The following GALNTL6 variants were observed in gnomAD, a reference collection of about 807,000 sequenced individuals.
The protein encoded by GALNTL6 is polypeptide N-acetylgalactosaminyltransferase like 6.
In GALNTL6, 46 loss-of-function variants were observed where a neutral mutation model predicts 73.7. The ratio of observed to expected loss-of-function variants is 0.62; its 90% CI spans 0.49 to 0.80. GALNTL6 has a LOEUF of 0.80. Ranked by LOEUF, GALNTL6 falls within the 30% of genes least tolerant of loss-of-function variation. The pLI is 0.00. For missense variants in GALNTL6, 604 were observed against 755.0 expected, an observed-to-expected ratio of 0.80 and a Z score of 2.34; for synonymous variants, 259 against 263.7, an observed-to-expected ratio of 0.98 and a Z score of 0.17.
At chr4:172,874,424 T>G (rs1352774752) in intron 7 of GALNTL6, among the ~76,000 whole-genome samples, 1 of 152,184 alleles carries the variant, frequency 6.6e-6, no homozygotes, top group Non-Finnish European at 1.5e-5. Context: ...GGACCCCTCC[T>G]TGCCAAATTG....
At position 172,363,194 on chromosome 4, in the gene GALNTL6, A is replaced by G. The variant is rs563530222; in HGVS notation, c.553+14505A>G. On this transcript the variant is annotated intron_variant, in intron 5 of 12. Transcript: ENST00000506823. ...ATTTTGCTTCACATGGCATATATTT[A>G]TCACCCCTGTGTTTTATTAAATAAT... Among the ~76,000 whole-genome samples, 4 of 152,262 alleles carry G rather than the reference A, an allele frequency of 2.6e-5. No individual in the cohort carries two copies. In the South Asian group the frequency reaches 8.3e-4, roughly 32 times the overall value.
rs35246163 is a variant in GALNTL6, at chr4:172,582,747, G to GACAC, written c.554-226585_554-226582dup. Among the ~76,000 whole-genome samples the GACAC allele has an allele frequency of 1.4e-3, 207 of 142,834 alleles. 2 individuals carry two copies. Among genetic ancestry groups the GACAC allele is most frequent in the South Asian group, 0.013 (59 of 4,390 alleles). The allele number at this position is 142,834 out of a possible 152,430, so 93.7% of individuals were successfully genotyped here. A position where few individuals can be genotyped will look rare whatever the true frequency, so the allele number is the denominator to read the frequency against. On this transcript the variant is annotated intron_variant, in intron 5 of 12. Transcript: ENST00000506823. ...CTCATTGGGAAATCACACACACACA[G>GACAC]ACACACACACACACACACACACACA... is the stretch of plus-strand genomic sequence containing the variant.
At chr4:172,425,860 T>A (rs1187961715) in intron 5 of GALNTL6, among the ~76,000 whole-genome samples, 1 of 152,072 alleles carries the variant, frequency 6.6e-6, no homozygotes, top group Admixed American at 6.6e-5. Flanking sequence ...ATATGTTAGA[T>A]GAAAGCCTAA....
At chr4:172,234,162 T>A (rs28404033) in intron 3 of GALNTL6, among the ~76,000 whole-genome samples, 58,089 of 151,842 alleles carry the variant, frequency 0.38, 11,277 homozygotes, top group Middle Eastern at 0.41. Flanking sequence ...TTTTGGATTT[T>A]AAAAATGTAG....
chr4:172,100,442 A>G (rs1732477981), intron 2 of GALNTL6, among the ~76,000 whole-genome samples: 1 of 152,162 alleles, frequency 6.6e-6, no homozygotes, highest in Non-Finnish European at 1.5e-5. Context: ...TAATATTTGA[A>G]GACACAGACA....
intron 4 of GALNTL6, among the ~76,000 whole-genome samples, chr4:172,338,519 G>T (rs1345908949): frequency 6.6e-6 from 1 of 151,920 alleles, no homozygotes; most frequent in East Asian, 1.9e-4. Context: ...TGTTGGATAG[G>T]GTCTTTTGGC....
chr4:172,602,823 A>G (rs1738115406), intron 5 of GALNTL6, among the ~76,000 whole-genome samples: 1 of 152,196 alleles, frequency 6.6e-6, no homozygotes, highest in South Asian at 2.1e-4. Context: ...CAAACTGGAG[A>G]CAATCCAATG....
chr4:172,202,176 G>A (rs966963503), intron 2 of GALNTL6, among the ~76,000 whole-genome samples: 2 of 152,166 alleles, frequency 1.3e-5, no homozygotes, highest in Admixed American at 6.5e-5. Context: ...TAATTGTAAC[G>A]AGACTGGTGG....
chr4:172,332,882 G>C (rs2111184954), intron 4 of GALNTL6, among the ~76,000 whole-genome samples: 1 of 152,228 alleles, frequency 6.6e-6, no homozygotes, highest in South Asian at 2.1e-4. Context: ...TCGTCATACT[G>C]TTTTCCATGC....
intron 2 of GALNTL6, among the ~76,000 whole-genome samples, chr4:172,022,397 G>A (rs768772452): frequency 9.9e-5 from 15 of 151,906 alleles, no homozygotes; most frequent in Non-Finnish European, 2.2e-4. Flanking sequence ...CTCATTTTCA[G>A]TAAATAATAC....
At chr4:172,641,051 A>G (rs1179038706) in intron 5 of GALNTL6, among the ~76,000 whole-genome samples, 1 of 151,968 alleles carries the variant, frequency 6.6e-6, no homozygotes, top group Non-Finnish European at 1.5e-5. Flanking sequence ...TCTCTTCTCT[A>G]ACTGCTCACA....
At chr4:172,882,081 C>A (rs1324532191) in intron 7 of GALNTL6, among the ~76,000 whole-genome samples, 2 of 151,704 alleles carry the variant, frequency 1.3e-5, no homozygotes, top group Non-Finnish European at 1.5e-5. Flanking sequence ...AGGGCAGGGC[C>A]TACCAAGTGG....
At chr4:171,964,894 G>T (rs970486045) in intron 2 of GALNTL6, among the ~76,000 whole-genome samples, 13 of 152,322 alleles carry the variant, frequency 8.5e-5, no homozygotes, top group Non-Finnish European at 1.8e-4. Context: ...GGACACTAAG[G>T]CTCAGCCTCT....
chr4:172,187,022 A>G (rs1735435568), intron 2 of GALNTL6, among the ~76,000 whole-genome samples: 1 of 152,114 alleles, frequency 6.6e-6, no homozygotes, highest in African/African-American at 2.4e-5. Flanking sequence ...ATATGCATGT[A>G]ACTTAAAGTT....
At chr4:172,388,452 T>A (rs1040570909) in intron 5 of GALNTL6, among the ~76,000 whole-genome samples, 2 of 152,144 alleles carry the variant, frequency 1.3e-5, no homozygotes, top group Non-Finnish European at 2.9e-5. Context: ...GAAAGTATTT[T>A]TGTGGAAGAA....
intron 5 of GALNTL6, among the ~76,000 whole-genome samples, chr4:172,473,536 C>T (rs945051824): frequency 6.6e-6 from 1 of 152,194 alleles, no homozygotes; most frequent in African/African-American, 2.4e-5. Context: ...CTTCTGGTTG[C>T]TTATCTAAGT....
chr4:172,863,818 AGGGGTGGAATTATAT>A (rs1744519704), intron 7 of GALNTL6, among the ~76,000 whole-genome samples: 1 of 152,160 alleles, frequency 6.6e-6, no homozygotes, highest in Non-Finnish European at 1.5e-5. Context: ...GGGAGGAGCC[AGGGGTGGAATTATAT>A]GGTTTGGCTG....
At chr4:172,271,235 T>C (rs1389906938) in intron 3 of GALNTL6, among the ~76,000 whole-genome samples, 2 of 152,172 alleles carry the variant, frequency 1.3e-5, no homozygotes, top group East Asian at 3.8e-4. Flanking sequence ...CAGAAATTAT[T>C]CTGATGCTTA....
intron 5 of GALNTL6, among the ~76,000 whole-genome samples, chr4:172,644,287 A>G (rs989882720): frequency 4.0e-5 from 6 of 151,726 alleles, no homozygotes; most frequent in African/African-American, 7.3e-5. Context: ...GAACACACAC[A>G]TATACATATA....
Sources: gnomAD v4.1 joint callset for allele counts (sites outside exome capture counted in the v4.1 genomes callset) on GRCh38, gnomAD v4.1.1 for gene constraint, MANE v1.5 for transcripts, NCBI Gene and HGNC (gene_info 2026-07-23, HGNC 2026-07-21) for gene names.